Variants in EXOC4 observed in about 807,000 individuals in gnomAD.
EXOC4 encodes the protein SEC8-like 1.
Under a neutral mutation model 107.2 loss-of-function variants are expected in EXOC4, and 71 were observed. That is an observed-to-expected ratio of 0.66 (90% CI 0.55 to 0.81). The LOEUF (loss-of-function observed/expected upper bound fraction) is 0.81, where lower values mean the gene tolerates loss of function less well. EXOC4 is among the 30% of genes least tolerant of loss of function. The pLI, the probability that EXOC4 is intolerant of heterozygous loss-of-function variation, is 0.00. For synonymous variants in EXOC4, 456 were observed against 441.2 expected (o/e 1.03, Z -0.42); for missense variants, 1,108 against 1,189.6 (o/e 0.93, Z 1.01).
At chr7:133,432,739 T>C (rs1797883914) in intron 7 of EXOC4, among the ~76,000 whole-genome samples, 1 of 152,246 alleles carries the variant, frequency 6.6e-6, no homozygotes. Context: ...CTACTACTAT[T>C]GCTTACTACA....
intron 10 of EXOC4, among the ~76,000 whole-genome samples, chr7:133,676,418 T>C (rs1794058766): frequency 6.6e-6 from 1 of 152,168 alleles, no homozygotes; most frequent in East Asian, 1.9e-4. Flanking sequence ...AATCACTTTA[T>C]GACACCCGTT....
chr7:133,906,798 C>T (rs1043314320), intron 12 of EXOC4, among the ~76,000 whole-genome samples: 3 of 152,232 alleles, frequency 2.0e-5, no homozygotes, highest in African/African-American at 4.8e-5. Context: ...TTGCCGCCCC[C>T]GATCGGGCTA....
chr7:134,087,253 C>T, the EXOC4 span, among the ~76,000 whole-genome samples: 3 of 152,142 alleles, frequency 2.0e-5, no homozygotes, highest in African/African-American at 7.2e-5. Flanking sequence ...GGATGAAGAT[C>T]TATCTTCTGT....
At chr7:133,746,879 G>T (rs1316554124) in intron 10 of EXOC4, among the ~76,000 whole-genome samples, 6 of 152,162 alleles carry the variant, frequency 3.9e-5, no homozygotes, top group African/African-American at 1.4e-4. Context: ...TCAGGGCAGC[G>T]TTTTCTCTTT....
chr7:133,338,578 C>T (rs1201967466), intron 5 of EXOC4, among the ~76,000 whole-genome samples: 5 of 109,428 alleles, frequency 4.6e-5, no homozygotes, highest in East Asian at 2.9e-4. Flanking sequence ...CCGACCTGGG[C>T]GCCAGAGCGA....
chr7:133,861,007 C>T (rs1798522047), intron 11 of EXOC4, among the ~76,000 whole-genome samples: 1 of 152,180 alleles, frequency 6.6e-6, no homozygotes. Context: ...GCCCTTGGAC[C>T]CATCCAAAGA....
chr7:134,100,290 GGAA>G, the EXOC4 span, among the ~76,000 whole-genome samples: 4 of 73,660 alleles, frequency 5.4e-5, no homozygotes, highest in Admixed American at 1.7e-4. Flanking sequence ...GAAGAGGCCT[GGAA>G]CAGCTCCTTC....
intron 1 of EXOC4, among the ~76,000 whole-genome samples, chr7:133,259,099 G>T (rs1048016574): frequency 6.6e-6 from 1 of 151,922 alleles, no homozygotes; most frequent in Non-Finnish European, 1.5e-5. Flanking sequence ...TCAGGTTTTC[G>T]TATGGATCTT....
chr7:134,030,044 T>G (rs1188310004), intron 17 of EXOC4, among the ~76,000 whole-genome samples: 2 of 152,216 alleles, frequency 1.3e-5, no homozygotes, highest in East Asian at 3.9e-4. Context: ...AAATATTTAT[T>G]GAATAAATGT....
chr7:133,964,017 T>C (rs1472677438), intron 14 of EXOC4, among the ~76,000 whole-genome samples: 5 of 152,368 alleles, frequency 3.3e-5, no homozygotes, highest in East Asian at 1.9e-4. Context: ...TTGTCTTATA[T>C]ATTTTATGAG....
At position 133,866,101 on chromosome 7, in the gene EXOC4, A is replaced by G. The variant is rs181910531; in HGVS notation, c.1735-29498A>G. 5.9e-5 allele frequency among the ~76,000 whole-genome samples: 9 copies of G among 152,328 alleles called. No individual in the cohort carries two copies. The East Asian group carries it at 1.4e-3, about 23-fold the overall frequency. On this transcript the variant is annotated intron_variant, in intron 11 of 17. Transcript: ENST00000253861. ...GATGGGAAACTATTAATAACTAACAATTACTAATAGTAGGCACATTACTAT... is the reference window on the plus strand; with the variant it reads ...GATGGGAAACTATTAATAACTAACAGTTACTAATAGTAGGCACATTACTAT...
At chr7:133,530,412 G>A (rs559305368) in intron 9 of EXOC4, among the ~76,000 whole-genome samples, 2 of 152,236 alleles carry the variant, frequency 1.3e-5, no homozygotes, top group African/African-American at 4.8e-5. Context: ...AGGCTACATG[G>A]TTTGGCCTTT....
At chr7:133,470,942 A>G (rs1277822473) in intron 7 of EXOC4, among the ~76,000 whole-genome samples, 16 of 152,194 alleles carry the variant, frequency 1.1e-4, no homozygotes, top group Middle Eastern at 3.2e-3. Flanking sequence ...AATATATACA[A>G]TTTGGAAGGT....
At chr7:134,020,996 A>AT (rs1031114550) in intron 17 of EXOC4, among the ~76,000 whole-genome samples, 8 of 152,034 alleles carry the variant, frequency 5.3e-5, no homozygotes, top group South Asian at 2.1e-4. Flanking sequence ...AAAAAAAAAA[A>AT]ATATGAAGGG....
chr7:133,951,471 C>G (rs992551730), intron 14 of EXOC4, among the ~76,000 whole-genome samples: 6 of 152,208 alleles, frequency 3.9e-5, no homozygotes, highest in Admixed American at 6.5e-5. Context: ...TTTCCTCATT[C>G]TTAGTCTTCC....
chr7:133,984,713 A>G (rs976833775), intron 14 of EXOC4, among the ~76,000 whole-genome samples: 8 of 152,266 alleles, frequency 5.3e-5, no homozygotes, highest in Admixed American at 2.0e-4. Flanking sequence ...GAAATGTGCT[A>G]AGTCCGTAGG....
In EXOC4 at chr7:133,889,569, C is replaced by G. The variant is rs1403721653; in HGVS notation, c.1735-6030C>G. 2.0e-4 allele frequency among the ~76,000 whole-genome samples: 22 copies of G among 109,240 alleles called. No individual in the cohort carries two copies. The East Asian group carries it at 6.9e-3, about 34-fold the overall frequency. 71.7% of individuals were successfully genotyped at this position (109,240 alleles called of 152,430 possible). ...GTATATCTCCGAATGCTATCCCTCC[C>G]CCCTCCCCCCTCCCCACCACAGTCC... On this transcript the variant is annotated intron_variant, in intron 11 of 17. Transcript: ENST00000253861.
In EXOC4 at chr7:133,874,033, G is replaced by C. The variant is rs141310807; in HGVS notation, c.1735-21566G>C. Among the ~76,000 whole-genome samples, 293 of 152,244 alleles carry C rather than the reference G, an allele frequency of 1.9e-3. 1 individual carries two copies. The highest frequency in any genetic ancestry group is 3.6e-3 in the Non-Finnish European group (246 of 68,010). On this transcript the variant is annotated intron_variant, in intron 11 of 17. Coordinates refer to ENST00000253861, the MANE Select transcript of EXOC4 (RefSeq NM_021807.4). ...TATCTCTTGACAAATTATGTGCTTT[G>C]ATAACTAAAATCTAGGAAATATGAC... is the stretch of plus-strand genomic sequence containing the variant.
Position 133,527,294 on chromosome 7 carries a change from C to T in EXOC4, c.1417+47156C>T, listed in dbSNP as rs551953315. ...TGATGGGTGCCTGTAATCCCAGCTACTTGGGAGGCTGAGGCAGGAGAATCG... is the reference window on the plus strand; with the variant it reads ...TGATGGGTGCCTGTAATCCCAGCTATTTGGGAGGCTGAGGCAGGAGAATCG... On this transcript the variant is annotated intron_variant, in intron 9 of 17. Transcript: ENST00000253861. 1.4e-4 allele frequency among the ~76,000 whole-genome samples: 22 copies of T among 151,974 alleles called. No homozygotes were observed. The South Asian group carries it at 4.4e-3, about 30-fold the overall frequency.
Sources: allele counts gnomAD v4.1 joint callset (sites outside exome capture counted in the v4.1 genomes callset), GRCh38; gene constraint gnomAD v4.1.1; transcripts MANE v1.5; gene names NCBI Gene and HGNC (gene_info 2026-07-23, HGNC 2026-07-21).